WIPF2: variants seen among roughly 807,000 people sequenced by gnomAD.
WIPF2 encodes the protein WAS/WASL-interacting protein family member 2.
Under a neutral mutation model 38.8 loss-of-function variants are expected in WIPF2, and 23 were observed. The observed-to-expected ratio is 0.59, with a 90% CI of 0.43 to 0.84. WIPF2 has a LOEUF of 0.84. Ranked by LOEUF, WIPF2 falls within the 40% of genes least tolerant of loss-of-function variation. The pLI is 0.00. For missense variants in WIPF2, 574 were observed against 580.5 expected, an observed-to-expected ratio of 0.99 and a Z score of 0.11; for synonymous variants, 210 against 223.2, an observed-to-expected ratio of 0.94 and a Z score of 0.53.
intron 1 of WIPF2, among the ~76,000 whole-genome samples, chr17:40,224,411 T>A (rs1040681072): frequency 2.7e-5 from 4 of 147,388 alleles, no homozygotes; most frequent in Non-Finnish European, 6.0e-5. Context: ...TTTGTATTTT[T>A]TTTTTTTTTT....
Position 40,219,403 on chromosome 17 carries a change from G to A in WIPF2, c.-159G>A. On this transcript the variant is annotated 5_prime_UTR_variant, in exon 1 of 8. Coordinates refer to ENST00000323571, the MANE Select transcript of WIPF2 (RefSeq NM_133264.5). Reference sequence around the variant, plus strand: ...GGCGGCGGCGGCGGCGGCGGCGACGGCGAGAAAGAGCTTGCCGGGGGGCGA... The same window carrying A: ...GGCGGCGGCGGCGGCGGCGGCGACGACGAGAAAGAGCTTGCCGGGGGGCGA... 3 of 411,692 alleles carry A rather than the reference G, an allele frequency of 7.3e-6. No individual in the cohort carries two copies. The highest frequency in any genetic ancestry group is 7.1e-4 in the Middle Eastern group (1 of 1,412). The allele number at this position is 411,692 out of a possible 1,614,324, so 25.5% of individuals were successfully genotyped here.
intron 6 of WIPF2, among the ~76,000 whole-genome samples, chr17:40,274,414 T>A (rs1183620785): frequency 1.3e-5 from 2 of 151,776 alleles, no homozygotes; most frequent in Non-Finnish European, 2.9e-5. Context: ...TATTATTTTT[T>A]AATTATTTTT....
intron 1 of WIPF2, among the ~76,000 whole-genome samples, chr17:40,235,336 C>A (rs537496202): frequency 6.6e-6 from 1 of 152,126 alleles, no homozygotes; most frequent in Non-Finnish European, 1.5e-5. Context: ...AATTTAGCGC[C>A]CAGTATAATG....
At chr17:40,236,312 T>G (rs1253252149) in intron 1 of WIPF2, among the ~76,000 whole-genome samples, 3 of 151,834 alleles carry the variant, frequency 2.0e-5, no homozygotes, top group African/African-American at 7.3e-5. Flanking sequence ...TCTTTGGAAA[T>G]TATAAGCCCT....
rs145321683 is a variant in WIPF2 at position 40,265,483 on chromosome 17, C to T, written c.970+337C>T. 1.8e-3 allele frequency among the ~76,000 whole-genome samples: 271 copies of T among 152,108 alleles called. 2 individuals carry two copies. Among genetic ancestry groups the T allele is most frequent in the African/African-American group, 6.2e-3 (256 of 41,488 alleles). ...AGAGTCAGGACAGTCCTTACTGATA[C>T]GGTGAAAATTTGACAAAGACCTTAA... On this transcript the variant is annotated intron_variant, in intron 5 of 7. Coordinates refer to ENST00000323571, the MANE Select transcript of WIPF2 (RefSeq NM_133264.5).
chr17:40,264,354 G>GA, intron 4 of WIPF2, 136 bp from the exon 5 acceptor site: 2 of 278,972 alleles, frequency 7.2e-6, no homozygotes, highest in Non-Finnish European at 6.5e-6. Flanking sequence ...AAAAAAAAAA[G>GA]AAAAACAAAA....
chr17:40,268,358 A>T (rs1289585408), intron 5 of WIPF2, among the ~76,000 whole-genome samples: 2 of 152,166 alleles, frequency 1.3e-5, no homozygotes, highest in African/African-American at 2.4e-5. Context: ...CCTTGATTCT[A>T]TAAAGTTCAG....
chr17:40,247,680 C>T (rs1466634172), intron 1 of WIPF2, among the ~76,000 whole-genome samples: 3 of 151,832 alleles, frequency 2.0e-5, no homozygotes, highest in East Asian at 3.9e-4. Flanking sequence ...TGCCACCATG[C>T]CTGGCTAATT....
At chr17:40,240,514 G>T (rs867761679) in intron 1 of WIPF2, among the ~76,000 whole-genome samples, 1,925 of 140,722 alleles carry the variant, frequency 0.014, 54 homozygotes, top group African/African-American at 0.046. Context: ...GCAGTGTTTT[G>T]TTTTTTTTTT....
intron 1 of WIPF2, among the ~76,000 whole-genome samples, chr17:40,238,222 GTTAC>G (rs2031053959): frequency 6.6e-6 from 1 of 152,060 alleles, no homozygotes; most frequent in South Asian, 2.1e-4. Flanking sequence ...ATTCTGTTTT[GTTAC>G]TTTGATTCTT....
In WIPF2 at chr17:40,235,667, G is replaced by A. The variant is rs181951939; in HGVS notation, c.-70+16175G>A. Among the ~76,000 whole-genome samples the A allele has an allele frequency of 4.1e-5, 6 of 146,034 alleles. No individual in the cohort carries two copies. In the East Asian group the frequency reaches 1.1e-3, roughly 26 times the overall value. ...CAGCTCACCACAACCTCCGCCTCCC[G>A]GGTTCAAGCAATTCTCCTACCTCAG... On this transcript the variant is annotated intron_variant, in intron 1 of 7. Coordinates refer to ENST00000323571, the MANE Select transcript of WIPF2 (RefSeq NM_133264.5).
At chr17:40,255,516 G>A (rs954420411) in intron 1 of WIPF2, among the ~76,000 whole-genome samples, 1 of 151,680 alleles carries the variant, frequency 6.6e-6, no homozygotes, top group African/African-American at 2.4e-5. Flanking sequence ...GTAGAGACAG[G>A]GTTTCTCCAT....
chr17:40,272,899 G>A (rs1436729457), intron 5 of WIPF2, among the ~76,000 whole-genome samples: 1 of 152,160 alleles, frequency 6.6e-6, no homozygotes, highest in Admixed American at 6.5e-5. Flanking sequence ...TGGTAGGTAT[G>A]CACAAGCTGC....
intron 5 of WIPF2, among the ~76,000 whole-genome samples, chr17:40,272,267 C>T (rs1175056651): frequency 6.6e-6 from 1 of 152,134 alleles, no homozygotes; most frequent in Non-Finnish European, 1.5e-5. Flanking sequence ...GATCCTCCCG[C>T]CTCGGCCTCC....
rs564832408 is a variant in WIPF2 at position 40,277,972 on chromosome 17, C to T, written c.1283-213C>T. 2.8e-4 allele frequency among the ~76,000 whole-genome samples: 42 copies of T among 152,148 alleles called. No homozygotes were observed. In the East Asian group the frequency reaches 3.5e-3, roughly 13 times the overall value. On this transcript the variant is annotated intron_variant, in intron 7 of 7. Coordinates refer to ENST00000323571, the MANE Select transcript of WIPF2 (RefSeq NM_133264.5). ...AACTCCTGACCTCAGGTGATCCGCC[C>T]GCCTCGGCCTCCCAAAGTGCTGGGA...
chr17:40,263,089 G>A (rs2145381474), intron 4 of WIPF2, among the ~76,000 whole-genome samples: 1 of 152,174 alleles, frequency 6.6e-6, no homozygotes, highest in Non-Finnish European at 1.5e-5. Context: ...GGGAGATGTT[G>A]GTCAAAGGGT....
chr17:40,262,200 C>T (rs571331174), intron 3 of WIPF2, among the ~76,000 whole-genome samples: 4 of 151,826 alleles, frequency 2.6e-5, no homozygotes, highest in East Asian at 1.9e-4. Context: ...CCCATCTCAG[C>T]CTCCCGAGTA....
intron 1 of WIPF2, among the ~76,000 whole-genome samples, chr17:40,235,063 C>T (rs1203067269): frequency 3.3e-5 from 5 of 152,094 alleles, no homozygotes; most frequent in Non-Finnish European, 5.9e-5. Context: ...GGACAACAGG[C>T]GTCCGCCACC....
chr17:40,241,142 T>A (rs2031176427), intron 1 of WIPF2, among the ~76,000 whole-genome samples: 1 of 152,158 alleles, frequency 6.6e-6, no homozygotes, highest in African/African-American at 2.4e-5. Context: ...TTTTCTAGAC[T>A]TCCCTAACAC....
Sources: gnomAD v4.1 joint callset for allele counts (sites outside exome capture counted in the v4.1 genomes callset) on GRCh38, gnomAD v4.1.1 for gene constraint, MANE v1.5 for transcripts, NCBI Gene and HGNC (gene_info 2026-07-23, HGNC 2026-07-21) for gene names.